NECTIN3: variants seen among roughly 807,000 people sequenced by gnomAD.
The protein encoded by NECTIN3 is nectin-3.
A neutral mutation model predicts 49.4 loss-of-function variants in NECTIN3; 8 were observed. That is an observed-to-expected ratio of 0.16 (90% CI 0.10 to 0.29). NECTIN3 has a LOEUF of 0.29. Ranked by LOEUF, NECTIN3 falls within the 10% of genes least tolerant of loss-of-function variation. The pLI is 1.00. For missense variants in NECTIN3, 581 were observed against 654.6 expected, an observed-to-expected ratio of 0.89 and a Z score of 1.23; for synonymous variants, 277 against 241.1, an observed-to-expected ratio of 1.15 and a Z score of -1.38.
At chr3:111,126,930 G>C (rs1005727962) in intron 5 of NECTIN3, among the ~76,000 whole-genome samples, 1 of 152,012 alleles carries the variant, frequency 6.6e-6, no homozygotes, top group Non-Finnish European at 1.5e-5. Context: ...GAATATTTTT[G>C]TTAATTTGGC....
chr3:111,103,460 T>C (rs2033020534), intron 1 of NECTIN3, among the ~76,000 whole-genome samples: 1 of 152,030 alleles, frequency 6.6e-6, no homozygotes, highest in African/African-American at 2.4e-5. Context: ...TGACTTTTTT[T>C]TTTTTTTAAA....
chr3:111,170,212 A>C (rs909501620), intron 7 of NECTIN3, among the ~76,000 whole-genome samples: 3 of 152,146 alleles, frequency 2.0e-5, no homozygotes, highest in African/African-American at 7.2e-5. Flanking sequence ...GTAGAGGGGG[A>C]CAGTAAGTGA....
exon 7 of NECTIN3, chr3:111,147,429 C>T (rs909629860): frequency 1.1e-5 from 17 of 1,533,018 alleles, no homozygotes; most frequent in African/African-American, 2.7e-5. Flanking sequence ...ACACATAAAC[C>T]ACCTCCTCTG....
chr3:111,151,006 C>A (rs1254304594), intron 7 of NECTIN3, among the ~76,000 whole-genome samples: 6 of 151,776 alleles, frequency 4.0e-5, no homozygotes, highest in Non-Finnish European at 2.9e-5. Context: ...GGTCGTGGGG[C>A]CAAAAATTTG....
Position 111,071,967 on chromosome 3 carries a change from C to T in NECTIN3, c.-51C>T. On this transcript the variant is annotated 5_prime_UTR_variant, in exon 1 of 6. Transcript: ENST00000485303. Reference sequence around the variant, plus strand: ...CCGCCCAGAGCCTGAGGCGCCGGGGCCGGGGGAGCCGGGGGGCGGGCGGGC... The same window carrying T: ...CCGCCCAGAGCCTGAGGCGCCGGGGTCGGGGGAGCCGGGGGGCGGGCGGGC... 2 of 1,317,436 alleles carry T rather than the reference C, an allele frequency of 1.5e-6. No homozygotes were observed. The highest frequency in any genetic ancestry group is 2.0e-6 in the Non-Finnish European group (2 of 1,016,644). The allele number at this position is 1,317,436 out of a possible 1,614,324, so 81.6% of individuals were successfully genotyped here.
At chr3:111,084,531 A>G (rs1189623898) in intron 1 of NECTIN3, among the ~76,000 whole-genome samples, 1 of 152,198 alleles carries the variant, frequency 6.6e-6, no homozygotes, top group Admixed American at 6.5e-5. Flanking sequence ...ATGTATGGAA[A>G]GAAGTAGAAT....
At chr3:111,080,492 G>A (rs1209146295) in intron 1 of NECTIN3, among the ~76,000 whole-genome samples, 1 of 152,006 alleles carries the variant, frequency 6.6e-6, no homozygotes, top group Non-Finnish European at 1.5e-5. Flanking sequence ...TTTCTTTGAG[G>A]ATACTACTGT....
At chr3:111,077,344 T>TAACAAAAAAAAAAAAAA in intron 1 of NECTIN3, 1 of 76,292 alleles carries the variant, frequency 1.3e-5, no homozygotes, top group East Asian at 2.1e-4. Flanking sequence ...ACTTTAATGG[T>TAACAAAAAAAAAAAAAA]AAAAAAAAAA....
upstream of NECTIN3, among the ~76,000 whole-genome samples, chr3:111,192,012 A>G (rs1424650314): frequency 6.6e-6 from 1 of 152,024 alleles, no homozygotes; most frequent in Non-Finnish European, 1.5e-5. Context: ...TTGTATTTTT[A>G]GTAGAGATGG....
At chr3:111,075,774 T>C (rs2031144534) in intron 1 of NECTIN3, among the ~76,000 whole-genome samples, 1 of 152,126 alleles carries the variant, frequency 6.6e-6, no homozygotes, top group African/African-American at 2.4e-5. Context: ...AATTGTATAA[T>C]TGTATGGAAA....
chr3:111,079,995 C>G (rs1256521584), intron 1 of NECTIN3, among the ~76,000 whole-genome samples: 2 of 151,880 alleles, frequency 1.3e-5, no homozygotes, highest in African/African-American at 4.8e-5. Context: ...TTGTTGTATA[C>G]TAGTACAGTG....
chr3:111,111,077 CT>C (rs1428708431), intron 1 of NECTIN3, among the ~76,000 whole-genome samples: 2 of 151,924 alleles, frequency 1.3e-5, no homozygotes, highest in African/African-American at 4.8e-5. Context: ...TTTTGGTTTA[CT>C]TCTTGGTTTG....
intron 7 of NECTIN3, among the ~76,000 whole-genome samples, chr3:111,178,524 C>A (rs763106424): frequency 1.3e-5 from 2 of 152,188 alleles, no homozygotes; most frequent in African/African-American, 4.8e-5. Context: ...GAATGGGAAA[C>A]TCTCAGAGTC....
At chr3:111,144,750 T>C in intron 5 of NECTIN3, 1 of 789,586 alleles carries the variant, frequency 1.3e-6, no homozygotes, top group Non-Finnish European at 1.9e-6. Context: ...ATAATGCCAC[T>C]AAACCTAATG....
chr3:111,080,818 A>G (rs1368349352), intron 1 of NECTIN3, among the ~76,000 whole-genome samples: 1 of 152,186 alleles, frequency 6.6e-6, no homozygotes, highest in East Asian at 1.9e-4. Flanking sequence ...GAACTCATTA[A>G]TACGATTAAT....
upstream of NECTIN3, among the ~76,000 whole-genome samples, chr3:111,188,270 T>C (rs1165259758): frequency 6.6e-6 from 1 of 152,182 alleles, no homozygotes; most frequent in Admixed American, 6.5e-5. Context: ...CAGAAACAGA[T>C]ACATAATGCT....
At chr3:111,141,314 CA>C (rs1190532975), downstream of NECTIN3, among the ~76,000 whole-genome samples, 4 of 151,906 alleles carry the variant, frequency 2.6e-5, no homozygotes, top group East Asian at 7.7e-4. Flanking sequence ...TAGGCCAACA[CA>C]TAAACCTGTG....
chr3:111,133,499 A>C, intron 5 of NECTIN3, 136 bp from the exon 6 acceptor site: 2 of 1,268,966 alleles, frequency 1.6e-6, no homozygotes, highest in Non-Finnish European at 2.1e-6. Flanking sequence ...ATCTTAATCA[A>C]ATTAAGAATG....
chr3:111,161,691 C>T (rs182131102), intron 7 of NECTIN3, among the ~76,000 whole-genome samples: 407 of 152,286 alleles, frequency 2.7e-3, no homozygotes, highest in African/African-American at 9.1e-3. Flanking sequence ...CAAAACCATC[C>T]CCTGTACCCT....
Sources: allele counts gnomAD v4.1 joint callset (sites outside exome capture counted in the v4.1 genomes callset), GRCh38; gene constraint gnomAD v4.1.1; transcripts MANE v1.5; gene names NCBI Gene and HGNC (gene_info 2026-07-23, HGNC 2026-07-21).